Variants in VGLL4 observed in about 807,000 individuals in gnomAD.
The protein encoded by VGLL4 is vestigial like family member 4.
A neutral mutation model predicts 21.0 loss-of-function variants in VGLL4; 7 were observed. That is an observed-to-expected ratio of 0.33 (90% confidence interval 0.19 to 0.63). The LOEUF (loss-of-function observed/expected upper bound fraction) is 0.63. Among genes scored for constraint, VGLL4 ranks in the 20% least tolerant of loss-of-function variants. VGLL4 has a pLI of 0.78. For synonymous variants in VGLL4, 222 were observed against 173.2 expected (o/e 1.28, Z -2.21); for missense variants, 394 against 425.7 (o/e 0.93, Z 0.66).
chr3:11,667,587 G>T (rs889708841), intron 2 of VGLL4, among the ~76,000 whole-genome samples: 1 of 152,086 alleles, frequency 6.6e-6, no homozygotes, highest in African/African-American at 2.4e-5. Context: ...TACTACCAGT[G>T]TACAGGTGCT....
intron 2 of VGLL4, among the ~76,000 whole-genome samples, chr3:11,678,146 C>G (rs2076320995): frequency 6.6e-6 from 1 of 152,096 alleles, no homozygotes; most frequent in South Asian, 2.1e-4. Context: ...CTCCCACCTC[C>G]TGGGTTCAAG....
At position 11,572,550 on chromosome 3, in the gene VGLL4, G is replaced by A. The variant is rs534648929; in HGVS notation, c.273-7531C>T. ...TCCTCAGTCCCATTCCCCTCTCTTCGTCCCCTGGGGCATCCTCTGTTTTGT... is the reference window on the plus strand; with the variant it reads ...TCCTCAGTCCCATTCCCCTCTCTTCATCCCCTGGGGCATCCTCTGTTTTGT... On this transcript the variant is annotated intron_variant, in intron 2 of 4. Coordinates refer to ENST00000430365, the MANE Select transcript of VGLL4 (RefSeq NM_001128219.3). Among the ~76,000 whole-genome samples the A allele has an allele frequency of 1.1e-4, 16 of 152,160 alleles. No homozygotes were observed. The East Asian group carries it at 2.5e-3, about 24-fold the overall frequency.
chr3:11,700,652 G>A (rs1046943874), intron 2 of VGLL4, among the ~76,000 whole-genome samples: 1 of 152,182 alleles, frequency 6.6e-6, no homozygotes, highest in African/African-American at 2.4e-5. Flanking sequence ...CATTTTAGGA[G>A]GGGCACTGCC....
intron 1 of VGLL4, among the ~76,000 whole-genome samples, chr3:11,620,818 G>T (rs2443723): frequency 0.71 from 108,091 of 152,036 alleles, 40,667 homozygotes; most frequent in Non-Finnish European, 0.85. Context: ...CACATATCAT[G>T]CTCTGTAAAG....
intron 2 of VGLL4, among the ~76,000 whole-genome samples, chr3:11,657,345 G>C (rs899396680): frequency 5.9e-5 from 9 of 152,168 alleles, no homozygotes; most frequent in African/African-American, 2.2e-4. Flanking sequence ...ATTTCTAGGA[G>C]GGTTGGCTCC....
intron 2 of VGLL4, among the ~76,000 whole-genome samples, chr3:11,590,737 G>T (rs1326287944): frequency 6.6e-6 from 1 of 151,908 alleles, no homozygotes; most frequent in Non-Finnish European, 1.5e-5. Flanking sequence ...CAGCAAAATG[G>T]AGAGAGAGCA....
At chr3:11,630,067 AC>A (rs2075443543) in intron 1 of VGLL4, among the ~76,000 whole-genome samples, 1 of 152,132 alleles carries the variant, frequency 6.6e-6, no homozygotes, top group Non-Finnish European at 1.5e-5. Context: ...GCTTAGATTT[AC>A]CCATTTGGAA....
rs1559848932 is a variant in VGLL4, at chr3:11,558,488, T to TAAGTA, written c.*63_*67dup. 3.4e-6 allele frequency: 5 copies of TAAGTA among 1,483,478 alleles called. No individual in the cohort carries two copies. The highest frequency in any genetic ancestry group is 1.3e-5 in the South Asian group (1 of 76,766). The allele number at this position is 1,483,478 out of a possible 1,614,324, so 91.9% of individuals were successfully genotyped here. On this transcript the variant is annotated 3_prime_UTR_variant, in exon 5 of 5. Coordinates refer to ENST00000430365, the MANE Select transcript of VGLL4 (RefSeq NM_001128219.3). The stretch of plus-strand genomic sequence containing the variant: ...CCCACCCCCATGATTTTTTTTTTTT[T>TAAGTA]AAGTACTGACTGTTCAAAGCTCAGG...
At chr3:11,562,502 C>T (rs542234163) in intron 3 of VGLL4, among the ~76,000 whole-genome samples, 38 of 152,346 alleles carry the variant, frequency 2.5e-4, no homozygotes, top group Admixed American at 1.2e-3. Context: ...TCCCCACTGC[C>T]ATTTCCCTGG....
rs2075740450 is a variant in VGLL4, at chr3:11,643,718, T to A, written c.-200A>T. On this transcript the variant is annotated 5_prime_UTR_variant, in exon 1 of 5. Transcript: ENST00000430365. ...AAAAATCGAGCTCACACGAAACCCT[T>A]CAAGGGCTTACTGGTAGACGGTGTA... is the stretch of plus-strand genomic sequence containing the variant. The A allele has an allele frequency of 7.1e-7, 1 of 1,409,884 alleles. No homozygotes were observed. The highest frequency in any genetic ancestry group is 1.5e-5 in the African/African-American group (1 of 68,914). The allele number at this position is 1,409,884 out of a possible 1,614,324, so 87.3% of individuals were successfully genotyped here.
chr3:11,696,083 T>C (rs1391012573), intron 2 of VGLL4, among the ~76,000 whole-genome samples: 1 of 152,198 alleles, frequency 6.6e-6, no homozygotes, highest in Non-Finnish European at 1.5e-5. Context: ...GCTTTCCTGA[T>C]GAAATTCTCC....
chr3:11,716,951 C>G (rs2076926567), intron 1 of VGLL4, among the ~76,000 whole-genome samples: 1 of 152,042 alleles, frequency 6.6e-6, no homozygotes, highest in South Asian at 2.1e-4. Context: ...TAACATACCT[C>G]GAAGAAATTT....
chr3:11,582,284 A>T (rs2074248172), intron 2 of VGLL4: 1 of 1,605,634 alleles, frequency 6.2e-7, no homozygotes. Context: ...CTTGGTACTA[A>T]CCTCACTTTA....
At position 11,673,746 on chromosome 3, in the gene VGLL4, G is replaced by C. The variant is rs529105557; in HGVS notation, c.64+29225C>G. ...AAAATCAGAATGGCCAGATGTGGTG[G>C]CTCACGCATGTAATCCTAGCACTTT... On this transcript the variant is annotated intron_variant, in intron 2 of 5. Transcript: ENST00000273038. Among the ~76,000 whole-genome samples the C allele has an allele frequency of 7.7e-4, 117 of 152,222 alleles. 1 individual carries two copies. The highest frequency in any genetic ancestry group is 2.8e-3 in the African/African-American group (116 of 41,544).
At chr3:11,681,190 T>C (rs1039363208) in intron 2 of VGLL4, among the ~76,000 whole-genome samples, 6 of 152,288 alleles carry the variant, frequency 3.9e-5, no homozygotes, top group African/African-American at 1.2e-4. Context: ...CTCCGCCTCC[T>C]GGGTTCACAC....
chr3:11,635,466 C>T (rs1405630660), intron 1 of VGLL4, among the ~76,000 whole-genome samples: 1 of 152,192 alleles, frequency 6.6e-6, no homozygotes, highest in Non-Finnish European at 1.5e-5. Flanking sequence ...AGGGAAGCAA[C>T]ATGTGGTTCT....
chr3:11,651,276 G>A (rs1217652022), intron 2 of VGLL4, among the ~76,000 whole-genome samples: 2 of 151,184 alleles, frequency 1.3e-5, no homozygotes, highest in Non-Finnish European at 2.9e-5. Flanking sequence ...CCAGGAGGCG[G>A]AGGTTGTATT....
At position 11,557,620 on chromosome 3, in the gene VGLL4, A is replaced by T. The variant is rs908457065; in HGVS notation, c.*936T>A. 1 of 152,804 alleles carries T rather than the reference A, an allele frequency of 6.5e-6. No individual in the cohort carries two copies. Among genetic ancestry groups the T allele is most frequent in the Non-Finnish European group, 1.5e-5 (1 of 68,056 alleles). 9.5% of individuals were successfully genotyped at this position (152,804 alleles called of 1,614,324 possible). ...GAGTACAACTGTACCAGCAGTAAGT[A>T]TATCTAGGACTGTAACTGACAAAAA... On this transcript the variant is annotated 3_prime_UTR_variant, in exon 5 of 5. Transcript: ENST00000430365.
chr3:11,584,335 AG>A (rs1302901112), intron 2 of VGLL4, among the ~76,000 whole-genome samples: 1 of 150,866 alleles, frequency 6.6e-6, no homozygotes, highest in Non-Finnish European at 1.5e-5. Context: ...CTCTAGTAGC[AG>A]AAAACAAACA....
Sources: allele counts gnomAD v4.1 joint callset (sites outside exome capture counted in the v4.1 genomes callset), GRCh38; gene constraint gnomAD v4.1.1; transcripts MANE v1.5; gene names NCBI Gene and HGNC (gene_info 2026-07-23, HGNC 2026-07-21).